The following NSMAF variants were observed in gnomAD, a reference collection of about 807,000 sequenced individuals.
NSMAF encodes protein FAN.
Under a neutral mutation model 134.9 loss-of-function variants are expected in NSMAF, and 90 were observed. The ratio of observed to expected loss-of-function variants is 0.67; its 90% CI spans 0.56 to 0.79. The LOEUF (loss-of-function observed/expected upper bound fraction) is 0.79, where lower values mean the gene tolerates loss of function less well. Among genes scored for constraint, NSMAF ranks in the 30% least tolerant of loss-of-function variants. The probability of loss-of-function intolerance (pLI) is 0.00; values close to 1 mark genes in which losing one functional copy is unlikely to be tolerated. For missense variants in NSMAF, 1,010 were observed against 1,119.0 expected (o/e 0.90, Z 1.39); for synonymous variants, 358 against 389.6 (o/e 0.92, Z 0.96).
At chr8:58,609,769 C>A in intron 9 of NSMAF, 36 bp from the exon 10 acceptor site, 1 of 1,607,770 alleles carries the variant, frequency 6.2e-7, no homozygotes, top group Non-Finnish European at 8.5e-7. Flanking sequence ...TAAGAAAAAT[C>A]AGAAATTGAT....
Position 58,590,338 on chromosome 8 carries a change from C to A in NSMAF, c.2020-264G>T, listed in dbSNP as rs559522491. On this transcript the variant is annotated intron_variant, in intron 24 of 30. Transcript: ENST00000038176. The stretch of plus-strand genomic sequence containing the variant: ...GGTCCTGCCCTGGGCTGGAAGAAGC[C>A]CACTCACACTCTGGAGTAAATCTCC... Among the ~76,000 whole-genome samples the A allele has an allele frequency of 3.3e-5, 5 of 152,198 alleles. No homozygotes were observed. In the East Asian group the frequency reaches 9.7e-4, roughly 29 times the overall value.
chr8:58,598,353 TA>T lies in NSMAF; in HGVS notation c.1586-452del, dbSNP rs1350156457. On this transcript the variant is annotated intron_variant, in intron 19 of 30. Transcript: ENST00000038176. ...ATATTGCTGCTATTTTCTGTTAAAT[TA>T]AAAAAAAAAACTCTGGCAGCTACTT... Among the ~76,000 whole-genome samples the T allele has an allele frequency of 5.2e-3, 756 of 144,966 alleles. 6 individuals carry two copies. The highest frequency in any genetic ancestry group is 0.017 in the African/African-American group (668 of 39,784).
intron 21 of NSMAF, 86 bp downstream of exon 21, chr8:58,597,301 T>C: frequency 8.5e-7 from 1 of 1,183,054 alleles, no homozygotes; most frequent in Non-Finnish European, 1.2e-6. Context: ...AGCACAACAG[T>C]ATACGTCTTA....
chr8:58,622,936 T>A (rs963922417), intron 9 of NSMAF, among the ~76,000 whole-genome samples: 1 of 152,076 alleles, frequency 6.6e-6, no homozygotes. Context: ...TGTGCTAGTG[T>A]TCTGGGTGGG....
chr8:58,618,358 A>G (rs1291823187), intron 9 of NSMAF, among the ~76,000 whole-genome samples: 2 of 152,022 alleles, frequency 1.3e-5, no homozygotes, highest in Non-Finnish European at 2.9e-5. Context: ...AGATGATATT[A>G]TGATTTTATA....
chr8:58,647,293 A>G (rs956944171), intron 1 of NSMAF, among the ~76,000 whole-genome samples: 1 of 152,222 alleles, frequency 6.6e-6, no homozygotes, highest in African/African-American at 2.4e-5. Flanking sequence ...CCCCTACTAG[A>G]GAGTTGATTT....
At chr8:58,629,171 T>G (rs1807002360) in intron 6 of NSMAF, among the ~76,000 whole-genome samples, 1 of 152,170 alleles carries the variant, frequency 6.6e-6, no homozygotes. Context: ...TATTATGTAT[T>G]TGGTCCACTT....
At chr8:58,634,976 C>A (rs1185977451) in intron 5 of NSMAF, among the ~76,000 whole-genome samples, 1 of 152,166 alleles carries the variant, frequency 6.6e-6, no homozygotes, top group African/African-American at 2.4e-5. Context: ...AAGGACAAAA[C>A]CGCAAGCCCA....
In NSMAF at chr8:58,603,303, G is replaced by A; in HGVS notation, c.952C>T (p.His318Tyr). 3 of 1,614,198 alleles carry A rather than the reference G, an allele frequency of 1.9e-6. No homozygotes were observed. Among genetic ancestry groups the A allele is most frequent in the Non-Finnish European group, 1.7e-6 (2 of 1,180,038 alleles). ...GHLSNYQYLL[H>Y]LNNLADRSCN... The stretch of plus-strand genomic sequence containing the variant: ...CTGCGGTCGGCCAGGTTGTTGAGGT[G>A]AAGGAGGTACTGATAGTTGGAAAGG... Residue 318 changes from histidine to tyrosine, a missense_variant, in exon 13 of 31, where the codon CAC (histidine) becomes TAC (tyrosine). Transcript: ENST00000038176.
chr8:58,602,163 T>C (rs374525863), intron 13 of NSMAF, 26 bp from the exon 14 acceptor site: 6 of 1,562,256 alleles, frequency 3.8e-6, no homozygotes, highest in Non-Finnish European at 3.5e-6. Flanking sequence ...AATAAATAAC[T>C]TCAGCTTATA....
At chr8:58,647,534 G>T (rs114068917) in intron 1 of NSMAF, among the ~76,000 whole-genome samples, 3,264 of 152,204 alleles carry the variant, frequency 0.021, 112 homozygotes, top group African/African-American at 0.074. Flanking sequence ...GGAGGTGATT[G>T]GATCATGGGG....
chr8:58,618,004 C>T (rs1183315843), intron 9 of NSMAF, among the ~76,000 whole-genome samples: 1 of 152,114 alleles, frequency 6.6e-6, no homozygotes, highest in Admixed American at 6.5e-5. Context: ...AGTTCATGTC[C>T]TTTGCAGGGA....
At chr8:58,584,393 T>G (rs904919664) in intron 30 of NSMAF, among the ~76,000 whole-genome samples, 193 bp from the exon 31 acceptor site, 3 of 152,214 alleles carry the variant, frequency 2.0e-5, no homozygotes, top group Non-Finnish European at 4.4e-5. Context: ...AAAGATCTTG[T>G]GAGGAATACT....
intron 6 of NSMAF, among the ~76,000 whole-genome samples, chr8:58,625,394 A>ATATATACGTATGTATGTATG: frequency 6.6e-6 from 1 of 151,650 alleles, no homozygotes; most frequent in African/African-American, 2.4e-5. Context: ...ATGTATATGC[A>ATATATACGTATGTATGTATG]TATGTATGTA....
chr8:58,620,658 A>C (rs1208989539), intron 9 of NSMAF, among the ~76,000 whole-genome samples: 1 of 152,086 alleles, frequency 6.6e-6, no homozygotes, highest in East Asian at 1.9e-4. Context: ...AATGAAAGAC[A>C]GGCATTTAAA....
At chr8:58,599,000 T>TG (rs1167592722) in intron 19 of NSMAF, among the ~76,000 whole-genome samples, 5 of 152,068 alleles carry the variant, frequency 3.3e-5, no homozygotes, top group Non-Finnish European at 7.4e-5. Context: ...CACTCCAGCC[T>TG]GGTGACAGAG....
chr8:58,624,646 G>C (rs1806875569), intron 6 of NSMAF, among the ~76,000 whole-genome samples: 1 of 152,002 alleles, frequency 6.6e-6, no homozygotes, highest in Non-Finnish European at 1.5e-5. Context: ...AAATTTGTTA[G>C]GACTTGTTTT....
At chr8:58,603,130 G>T in intron 13 of NSMAF, 80 bp downstream of exon 13, 1 of 1,338,842 alleles carries the variant, frequency 7.5e-7, no homozygotes, top group South Asian at 1.3e-5. Flanking sequence ...TTATAAAATA[G>T]AATTTATTCT....
intron 23 of NSMAF, among the ~76,000 whole-genome samples, chr8:58,593,327 G>C (rs1806062016): frequency 6.6e-6 from 1 of 152,120 alleles, no homozygotes; most frequent in Non-Finnish European, 1.5e-5. Flanking sequence ...GACAGTATTT[G>C]AAAAAGAACA....
Sources: allele counts gnomAD v4.1 joint callset (sites outside exome capture counted in the v4.1 genomes callset), GRCh38; gene constraint gnomAD v4.1.1; transcripts MANE v1.5; gene names NCBI Gene and HGNC (gene_info 2026-07-23, HGNC 2026-07-21).